The following EPHX4 variants were observed in gnomAD, a reference collection of about 807,000 sequenced individuals.
EPHX4 encodes the protein abhydrolase domain containing 7.
In EPHX4, 31 loss-of-function variants were observed where a neutral mutation model predicts 44.9. That is an observed-to-expected ratio of 0.69 (90% CI 0.52 to 0.93). The LOEUF (loss-of-function observed/expected upper bound fraction) is 0.93. Among genes scored for constraint, EPHX4 ranks in the 40% least tolerant of loss-of-function variants. The pLI, the probability that EPHX4 is intolerant of heterozygous loss-of-function variation, is 0.00. For synonymous variants in EPHX4, 151 were observed against 159.7 expected (o/e 0.95, Z 0.41); for missense variants, 373 against 438.1 (o/e 0.85, Z 1.33).
At chr1:92,052,760 C>G in intron 6 of EPHX4, 102 bp downstream of exon 6, 1 of 1,046,656 alleles carries the variant, frequency 9.6e-7, no homozygotes, top group Non-Finnish European at 1.3e-6. Context: ...TCCAAAGACT[C>G]AAATAAGGTA....
chr1:92,052,659 G>A lies in EPHX4; in HGVS notation c.857+1G>A. 6.3e-7 allele frequency: 1 copy of A among 1,591,052 alleles called. No homozygotes were observed. The highest frequency in any genetic ancestry group is 1.2e-5 in the South Asian group (1 of 85,252). On this transcript the variant is annotated splice_donor_variant, in intron 6 of 6. Transcript: ENST00000370383. LOFTEE classifies it high-confidence loss of function. ...TTAACCATTACCGAAATATCTTCAGGTAAGTATAATTTCTTTTTAGTTAAA... is the reference window on the plus strand; with the variant it reads ...TTAACCATTACCGAAATATCTTCAGATAAGTATAATTTCTTTTTAGTTAAA...
chr1:92,052,464 T>C, intron 5 of EPHX4, 46 bp from the exon 6 acceptor site: 1 of 1,526,430 alleles, frequency 6.6e-7, no homozygotes, highest in Non-Finnish European at 8.8e-7. Flanking sequence ...TAGCTTATTA[T>C]TAGATAACAA....
chr1:92,058,707 A>G (rs571603126), intron 6 of EPHX4, among the ~76,000 whole-genome samples: 1 of 152,082 alleles, frequency 6.6e-6, no homozygotes. Flanking sequence ...TAAAACATCA[A>G]GGGTGTTTTG....
intron 1 of EPHX4, among the ~76,000 whole-genome samples, chr1:92,032,196 CATAAT>C (rs1423918733): frequency 6.6e-6 from 1 of 152,050 alleles, no homozygotes; most frequent in African/African-American, 2.4e-5. Context: ...TTCAGAAGCT[CATAAT>C]ATATAAATTG....
rs1688527691 is a variant in EPHX4, at chr1:92,042,809, C to A, written c.318-14C>A. On this transcript the variant is annotated splice_polypyrimidine_tract_variant and intron_variant, in intron 2 of 6. Coordinates refer to ENST00000370383, the MANE Select transcript of EPHX4 (RefSeq NM_173567.5). ...GCTAATATGATATTTTAAATGCTTCCTTTTTTCCTGCAGGTATTCTTGGCG... is the reference window on the plus strand; with the variant it reads ...GCTAATATGATATTTTAAATGCTTCATTTTTTCCTGCAGGTATTCTTGGCG... 1 of 1,598,206 alleles carries A rather than the reference C, an allele frequency of 6.3e-7. No individual in the cohort carries two copies. The highest frequency in any genetic ancestry group is 8.5e-7 in the Non-Finnish European group (1 of 1,173,658).
At chr1:92,037,733 C>T (rs1014786284) in intron 2 of EPHX4, among the ~76,000 whole-genome samples, 3 of 152,152 alleles carry the variant, frequency 2.0e-5, no homozygotes, top group Admixed American at 6.5e-5. Context: ...AGGAGCCCTC[C>T]TAGGTGAAGA....
chr1:92,063,531 A>T lies in EPHX4; in HGVS notation c.*245A>T. 1 of 269,180 alleles carries T rather than the reference A, an allele frequency of 3.7e-6. No homozygotes were observed. Among genetic ancestry groups the T allele is most frequent in the Non-Finnish European group, 7.0e-6 (1 of 143,248 alleles). The allele number at this position is 269,180 out of a possible 1,614,324, so 16.7% of individuals were successfully genotyped here. On this transcript the variant is annotated 3_prime_UTR_variant, in exon 7 of 7. Transcript: ENST00000370383. Reference sequence around the variant, plus strand: ...GCCTTAAAATATATACACTTGTACAAAAAGGAAGTTTGGAGTAAGTGCTTC... The same window carrying T: ...GCCTTAAAATATATACACTTGTACATAAAGGAAGTTTGGAGTAAGTGCTTC...
intron 6 of EPHX4, among the ~76,000 whole-genome samples, chr1:92,053,209 A>G (rs1647296948): frequency 6.6e-6 from 1 of 152,210 alleles, no homozygotes; most frequent in Admixed American, 6.5e-5. Flanking sequence ...TGAGTTAGGT[A>G]TTGACTAAAC....
At chr1:92,060,760 C>G (rs932267495) in intron 6 of EPHX4, among the ~76,000 whole-genome samples, 11 of 152,098 alleles carry the variant, frequency 7.2e-5, no homozygotes, top group African/African-American at 2.7e-4. Context: ...TAAAACTCCC[C>G]TTACTTTACT....
intron 2 of EPHX4, among the ~76,000 whole-genome samples, chr1:92,035,025 C>T (rs1355410288): frequency 1.3e-5 from 2 of 152,120 alleles, no homozygotes; most frequent in African/African-American, 2.4e-5. Flanking sequence ...AGGTATTAGG[C>T]ATTGAAGAAA....
chr1:92,034,173 G>A (rs1223803720), intron 2 of EPHX4, among the ~76,000 whole-genome samples: 1 of 150,394 alleles, frequency 6.6e-6, no homozygotes, highest in African/African-American at 2.4e-5. Flanking sequence ...GGTGGCAGGC[G>A]CCTGTACTCC....
chr1:92,059,656 T>C (rs1316472010), intron 6 of EPHX4, among the ~76,000 whole-genome samples: 1 of 152,078 alleles, frequency 6.6e-6, no homozygotes, highest in South Asian at 2.1e-4. Context: ...AAGTTCAAGA[T>C]ACAAAATTAT....
chr1:92,042,855 A>C lies in EPHX4; in HGVS notation c.350A>C (p.Lys117Thr), dbSNP rs752958537. 7 of 1,612,094 alleles carry C rather than the reference A, an allele frequency of 4.3e-6. No homozygotes were observed. The Admixed American group carries it at 1.2e-4, about 27-fold the overall frequency. Reference sequence around the variant, plus strand: ...TGGCGTTACCAACTGAGAGAATTTAAAAGTGAATATCGAGTTGTAGCACTG... The same window carrying C: ...TGGCGTTACCAACTGAGAGAATTTACAAGTGAATATCGAGTTGTAGCACTG... ...YSWRYQLREF[K>T]SEYRVVALDL... Residue 117 changes from lysine (K) to threonine (T), a missense_variant, in exon 3 of 7, where the codon AAA becomes ACA. By Grantham distance (78) the Lys-to-Thr change is moderately conservative. Transcript: ENST00000370383.
At chr1:92,043,843 G>A (rs1304168946) in intron 3 of EPHX4, 1 of 152,120 alleles carries the variant, frequency 6.6e-6, no homozygotes, top group Non-Finnish European at 1.5e-5. Context: ...TTTTTTCCTG[G>A]CGATGGTAGA....
intron 2 of EPHX4, among the ~76,000 whole-genome samples, chr1:92,039,896 C>T (rs534421563): frequency 1.1e-4 from 17 of 152,282 alleles, no homozygotes; most frequent in East Asian, 7.7e-4. Flanking sequence ...TCAAGCCATC[C>T]GCCCACTTTG....
rs1466189615 is a variant in EPHX4 at position 92,063,369 on chromosome 1, A to T, written c.*83A>T. 1 of 1,104,730 alleles carries T rather than the reference A, an allele frequency of 9.1e-7. No individual in the cohort carries two copies. The highest frequency in any genetic ancestry group is 1.6e-5 in the African/African-American group (1 of 63,432). The allele number at this position is 1,104,730 out of a possible 1,614,324, so 68.4% of individuals were successfully genotyped here. On this transcript the variant is annotated 3_prime_UTR_variant, in exon 7 of 7. Transcript: ENST00000370383. ...TTGTTCATCAACTTCTTTATGTTTT[A>T]TTAGAAAAAAACTGTTTTAATGTGC... is the stretch of plus-strand genomic sequence containing the variant.
chr1:92,034,299 C>CAAAAAAAAA (rs765695521), intron 2 of EPHX4, among the ~76,000 whole-genome samples: 2 of 52,748 alleles, frequency 3.8e-5, no homozygotes, highest in African/African-American at 8.4e-5. Flanking sequence ...GATTCCGTCT[C>CAAAAAAAAA]AAAAAAAAAA....
chr1:92,038,299 A>T (rs550837793), intron 2 of EPHX4, among the ~76,000 whole-genome samples: 10 of 152,332 alleles, frequency 6.6e-5, no homozygotes, highest in African/African-American at 2.4e-4. Context: ...CGGACCCTTA[A>T]GGTATTGAAA....
intron 3 of EPHX4, among the ~76,000 whole-genome samples, chr1:92,044,119 GA>G (rs1446399427): frequency 6.6e-6 from 1 of 152,142 alleles, no homozygotes; most frequent in Non-Finnish European, 1.5e-5. Flanking sequence ...TATGTTAATG[GA>G]AGCAATATAG....
Sources: allele counts gnomAD v4.1 joint callset (sites outside exome capture counted in the v4.1 genomes callset), GRCh38; gene constraint gnomAD v4.1.1; transcripts MANE v1.5; gene names NCBI Gene and HGNC (gene_info 2026-07-23, HGNC 2026-07-21).